The following CNIH3 variants were observed in gnomAD, a reference collection of about 807,000 sequenced individuals.
The protein encoded by CNIH3 is cornichon family AMPA receptor auxiliary protein 3, also known as protein cornichon homolog 3.
CNIH3 carries 14 observed loss-of-function variants against 24.1 expected under a neutral mutation model. That is an observed-to-expected ratio of 0.58 (90% CI 0.38 to 0.91). The LOEUF is 0.91. Ranked by LOEUF, CNIH3 falls within the 40% of genes least tolerant of loss-of-function variation. The pLI, the probability that CNIH3 is intolerant of heterozygous loss-of-function variation, is 0.00. For synonymous variants in CNIH3, 68 were observed against 73.8 expected (o/e 0.92, Z 0.40); for missense variants, 178 against 196.8 (o/e 0.90, Z 0.57).
At chr1:224,505,872 GTC>G (rs1464531052) in intron 1 of CNIH3, among the ~76,000 whole-genome samples, 1 of 152,210 alleles carries the variant, frequency 6.6e-6, no homozygotes, top group Non-Finnish European at 1.5e-5. Context: ...GAGGTGCAAA[GTC>G]CTTTGAACAA....
At chr1:224,719,068 CCA>C (rs1463604162) in intron 3 of CNIH3, 6 of 152,220 alleles carry the variant, frequency 3.9e-5, no homozygotes, top group African/African-American at 1.4e-4. Flanking sequence ...CCAGTGCCTG[CCA>C]CAGTGTTTGA....
At chr1:224,512,632 G>A (rs1678202746), upstream of CNIH3, among the ~76,000 whole-genome samples, 1 of 152,098 alleles carries the variant, frequency 6.6e-6, no homozygotes, top group Non-Finnish European at 1.5e-5. Context: ...ATACCATGAG[G>A]TATATGTGGG....
chr1:224,434,846 C>T (rs1338927099), exon 1 of CNIH3: 2 of 985,472 alleles, frequency 2.0e-6, no homozygotes, highest in African/African-American at 3.5e-5. Context: ...GCCCTCCTCA[C>T]TCACTTCCGG....
chr1:224,699,700 A>G (rs951195147), intron 3 of CNIH3, among the ~76,000 whole-genome samples: 1 of 152,154 alleles, frequency 6.6e-6, no homozygotes, highest in African/African-American at 2.4e-5. Flanking sequence ...TGGCAGATGC[A>G]TCTGAATGTG....
At chr1:224,649,915 ATTG>A (rs1572657050) in intron 1 of CNIH3, among the ~76,000 whole-genome samples, 1 of 152,218 alleles carries the variant, frequency 6.6e-6, no homozygotes, top group Non-Finnish European at 1.5e-5. Flanking sequence ...ACTGCACTAA[ATTG>A]TTGTTCTTAA....
intron 1 of CNIH3, among the ~76,000 whole-genome samples, chr1:224,508,266 T>G (rs1240943783): frequency 6.6e-6 from 1 of 152,230 alleles, no homozygotes; most frequent in Non-Finnish European, 1.5e-5. Context: ...TAAAGCCAGA[T>G]GTGGGCCTTT....
intron 1 of CNIH3, among the ~76,000 whole-genome samples, chr1:224,631,161 T>C (rs891921136): frequency 6.6e-6 from 1 of 151,842 alleles, no homozygotes; most frequent in African/African-American, 2.4e-5. Flanking sequence ...AGACTCCACC[T>C]CAAACAACAA....
At chr1:224,467,974 C>CT (rs1231947157) in intron 1 of CNIH3, among the ~76,000 whole-genome samples, 4 of 149,088 alleles carry the variant, frequency 2.7e-5, no homozygotes, top group Non-Finnish European at 5.9e-5. Context: ...ATGTTTGTAC[C>CT]TTTTTTCTTT....
At chr1:224,447,054 G>A (rs1384892459) in intron 1 of CNIH3, among the ~76,000 whole-genome samples, 8 of 152,156 alleles carry the variant, frequency 5.3e-5, no homozygotes, top group Non-Finnish European at 8.8e-5. Flanking sequence ...GGGTTCTCCC[G>A]AGAGACAGAA....
At chr1:224,547,912 AAG>A (rs1162536986) in intron 3 of CNIH3, among the ~76,000 whole-genome samples, 4 of 151,976 alleles carry the variant, frequency 2.6e-5, no homozygotes, top group Admixed American at 6.6e-5. Flanking sequence ...TATAGTATCT[AAG>A]AGAGATATTA....
At chr1:224,484,920 CTG>C (rs1336713049) in intron 1 of CNIH3, among the ~76,000 whole-genome samples, 2 of 152,122 alleles carry the variant, frequency 1.3e-5, no homozygotes, top group Non-Finnish European at 2.9e-5. Flanking sequence ...ATGTCATTGA[CTG>C]TGAATTCTAA....
chr1:224,469,634 A>G (rs1676288481), intron 1 of CNIH3, among the ~76,000 whole-genome samples: 1 of 152,194 alleles, frequency 6.6e-6, no homozygotes, highest in Non-Finnish European at 1.5e-5. Context: ...CAGCCTCCCA[A>G]GTAGCTGGGA....
intron 1 of CNIH3, among the ~76,000 whole-genome samples, chr1:224,645,638 A>C (rs1355177940): frequency 6.6e-6 from 1 of 152,262 alleles, no homozygotes. Context: ...GAGCAGGCTC[A>C]GCCCGGAAGG....
intron 3 of CNIH3, among the ~76,000 whole-genome samples, chr1:224,710,430 C>T (rs866080252): frequency 6.6e-6 from 1 of 152,236 alleles, no homozygotes; most frequent in African/African-American, 2.4e-5. Flanking sequence ...CCTCCTCCTC[C>T]ATTCACCCTT....
chr1:224,514,890 T>A (rs761492502), upstream of CNIH3, among the ~76,000 whole-genome samples: 1 of 152,192 alleles, frequency 6.6e-6, no homozygotes, highest in Admixed American at 6.5e-5. Flanking sequence ...CTGCCTCCCA[T>A]ACTACCTTAC....
At chr1:224,625,957 A>G (rs1683506459) in intron 1 of CNIH3, among the ~76,000 whole-genome samples, 1 of 151,932 alleles carries the variant, frequency 6.6e-6, no homozygotes, top group Non-Finnish European at 1.5e-5. Flanking sequence ...TTTTAATCAT[A>G]GATTGTGAAA....
At chr1:224,541,564 G>A (rs1176042751), downstream of CNIH3, among the ~76,000 whole-genome samples, 2 of 152,134 alleles carry the variant, frequency 1.3e-5, no homozygotes, top group African/African-American at 2.4e-5. Context: ...AGCTGAGTCA[G>A]CAAAAATGCA....
At chr1:224,676,924 T>C (rs982004841) in intron 1 of CNIH3, among the ~76,000 whole-genome samples, 2 of 152,208 alleles carry the variant, frequency 1.3e-5, no homozygotes, top group Non-Finnish European at 2.9e-5. Context: ...TTTGTTTCCA[T>C]GGGGACAGCT....
intron 4 of CNIH3, among the ~76,000 whole-genome samples, chr1:224,566,772 T>A (rs1680599697): frequency 6.6e-6 from 1 of 152,194 alleles, no homozygotes; most frequent in African/African-American, 2.4e-5. Flanking sequence ...CTATTATTGA[T>A]GGATATTTGG....
Sources: gnomAD v4.1 joint callset for allele counts (sites outside exome capture counted in the v4.1 genomes callset) on GRCh38, gnomAD v4.1.1 for gene constraint, MANE v1.5 for transcripts, NCBI Gene and HGNC (gene_info 2026-07-23, HGNC 2026-07-21) for gene names.